GPHN: variants seen among roughly 807,000 people sequenced by gnomAD.
The protein encoded by GPHN is gephyrin.
A neutral mutation model predicts 95.5 loss-of-function variants in GPHN; 17 were observed. The ratio of observed to expected loss-of-function variants is 0.18; its 90% CI spans 0.12 to 0.27. GPHN has a LOEUF of 0.27. Ranked by LOEUF, GPHN falls within the 10% of genes least tolerant of loss-of-function variation. GPHN has a pLI of 1.00. For missense variants in GPHN, 660 were observed against 978.1 expected, an observed-to-expected ratio of 0.67 and a Z score of 4.34; for synonymous variants, 320 against 322.5, an observed-to-expected ratio of 0.99 and a Z score of 0.08.
the GPHN span, chr14:67,583,696 C>T: frequency 3.9e-6 from 6 of 1,536,734 alleles, no homozygotes; most frequent in Non-Finnish European, 5.3e-6. Context: ...CCTGGCCCAT[C>T]CACTGTCAGA....
the GPHN span, among the ~76,000 whole-genome samples, chr14:67,380,401 T>C: frequency 6.6e-6 from 1 of 152,200 alleles, no homozygotes; most frequent in Non-Finnish European, 1.5e-5. Flanking sequence ...TAATCAATTA[T>C]AGTAGAATAT....
At chr14:66,801,496 G>A (rs2153476813) in intron 3 of GPHN, among the ~76,000 whole-genome samples, 1 of 152,010 alleles carries the variant, frequency 6.6e-6, no homozygotes, top group Non-Finnish European at 1.5e-5. Context: ...TATCAAGCAG[G>A]CTATTGTTGT....
the GPHN span, among the ~76,000 whole-genome samples, chr14:67,246,589 C>G: frequency 1.3e-5 from 2 of 152,122 alleles, no homozygotes; most frequent in Non-Finnish European, 2.9e-5. Flanking sequence ...GATCCTTCCA[C>G]CTCAACCTCC....
At chr14:67,356,787 C>T in the GPHN span, among the ~76,000 whole-genome samples, 1 of 152,168 alleles carries the variant, frequency 6.6e-6, no homozygotes, top group Non-Finnish European at 1.5e-5. Flanking sequence ...CACAAGAGGT[C>T]TTATCAAGTG....
chr14:67,378,164 C>G, the GPHN span, among the ~76,000 whole-genome samples: 3 of 150,636 alleles, frequency 2.0e-5, no homozygotes, highest in Admixed American at 6.6e-5. Context: ...GTTCTCTATA[C>G]TTGCTGTCTC....
the GPHN span, chr14:67,292,761 A>G: frequency 2.0e-6 from 3 of 1,478,336 alleles, no homozygotes; most frequent in Non-Finnish European, 2.8e-6. Context: ...CAAGGTAATT[A>G]GTAGTGGCAG....
chr14:67,008,428 C>T (rs2072754469), intron 9 of GPHN, among the ~76,000 whole-genome samples: 1 of 148,044 alleles, frequency 6.8e-6, no homozygotes, highest in African/African-American at 2.5e-5. Context: ...TGCACTCCAG[C>T]AGGTGACAGA....
chr14:66,745,991 C>A (rs989132384), intron 2 of GPHN, among the ~76,000 whole-genome samples: 1 of 151,874 alleles, frequency 6.6e-6, no homozygotes, highest in African/African-American at 2.4e-5. Context: ...TGAGATATAT[C>A]CAAGTTGTGT....
chr14:67,517,643 C>A, the GPHN span, among the ~76,000 whole-genome samples: 1 of 152,198 alleles, frequency 6.6e-6, no homozygotes, highest in South Asian at 2.1e-4. Flanking sequence ...CTCCAGTGAA[C>A]TTAACTCCAT....
At chr14:66,679,076 C>T (rs538503506) in intron 1 of GPHN, among the ~76,000 whole-genome samples, 1 of 152,220 alleles carries the variant, frequency 6.6e-6, no homozygotes, top group South Asian at 2.1e-4. Context: ...GTGGTACGCA[C>T]TAGGTGGGCC....
chr14:66,921,890 AC>A (rs1403577715), intron 6 of GPHN, among the ~76,000 whole-genome samples: 1 of 152,168 alleles, frequency 6.6e-6, no homozygotes, highest in Non-Finnish European at 1.5e-5. Context: ...AGAATAGAGA[AC>A]CTAGAAATAA....
intron 7 of GPHN, 126 bp from the exon 8 acceptor site, chr14:66,924,068 A>G (rs1039369923): frequency 7.2e-6 from 5 of 691,754 alleles, no homozygotes; most frequent in African/African-American, 1.8e-5. Context: ...GTCATTCTAC[A>G]TTTGGAAAAT....
intron 18 of GPHN, among the ~76,000 whole-genome samples, chr14:67,153,603 A>AT: frequency 6.6e-6 from 1 of 152,212 alleles, no homozygotes; most frequent in Non-Finnish European, 1.5e-5. Flanking sequence ...TATTCAGTCC[A>AT]TTGCATTTAC....
chr14:66,674,451 C>T (rs2066476519), intron 1 of GPHN, among the ~76,000 whole-genome samples: 1 of 152,124 alleles, frequency 6.6e-6, no homozygotes, highest in African/African-American at 2.4e-5. Flanking sequence ...CTCTTCCCAT[C>T]CTTCCCTACC....
chr14:66,626,832 A>G (rs1486036571), intron 1 of GPHN, among the ~76,000 whole-genome samples: 2 of 152,088 alleles, frequency 1.3e-5, no homozygotes, highest in Non-Finnish European at 2.9e-5. Context: ...TGGAGATGAG[A>G]TTCTCATGGA....
the GPHN span, chr14:67,301,890 A>C: frequency 1.6e-5 from 22 of 1,401,258 alleles, no homozygotes; most frequent in Non-Finnish European, 2.0e-5. Context: ...AATGGTCAGA[A>C]TACTATGTAC....
chr14:67,177,178 G>A (rs113476450), intron 21 of GPHN, among the ~76,000 whole-genome samples: 7,742 of 152,140 alleles, frequency 0.051, 213 homozygotes, highest in Middle Eastern at 0.068. Context: ...TTAGGATGTC[G>A]ATTTTAGATC....
At chr14:67,529,726 C>T in the GPHN span, among the ~76,000 whole-genome samples, 1 of 152,180 alleles carries the variant, frequency 6.6e-6, no homozygotes, top group Non-Finnish European at 1.5e-5. Flanking sequence ...CCCATGGTGG[C>T]TAATCCTGAC....
chr14:67,019,466 C>A (rs145171213), intron 9 of GPHN, among the ~76,000 whole-genome samples: 1 of 152,180 alleles, frequency 6.6e-6, no homozygotes, highest in East Asian at 1.9e-4. Context: ...ATACTGTATA[C>A]CATTTACAAG....
Sources: allele counts gnomAD v4.1 joint callset (sites outside exome capture counted in the v4.1 genomes callset), GRCh38; gene constraint gnomAD v4.1.1; transcripts MANE v1.5; gene names NCBI Gene and HGNC (gene_info 2026-07-23, HGNC 2026-07-21).